CPA5: variants seen among roughly 807,000 people sequenced by gnomAD.
CPA5 encodes the protein carboxypeptidase A5.
Under a neutral mutation model 52.2 loss-of-function variants are expected in CPA5, and 38 were observed. The observed-to-expected ratio is 0.73, with a 90% confidence interval of 0.56 to 0.95. The LOEUF is 0.95. CPA5 is among the 40% of genes least tolerant of loss of function. The pLI, the probability that CPA5 is intolerant of heterozygous loss-of-function variation, is 0.00. For synonymous variants in CPA5, 198 were observed against 213.7 expected (o/e 0.93, Z 0.64); for missense variants, 519 against 566.7 (o/e 0.92, Z 0.86).
chr7:130,347,506 G>A (rs1290694331), intron 3 of CPA5, among the ~76,000 whole-genome samples: 1 of 152,098 alleles, frequency 6.6e-6, no homozygotes, highest in Admixed American at 6.5e-5. Context: ...AGCACTGACA[G>A]GCTTTATTTA....
downstream of CPA5, among the ~76,000 whole-genome samples, chr7:130,372,626 C>T (rs187548605): frequency 1.4e-4 from 21 of 152,284 alleles, no homozygotes; most frequent in Non-Finnish European, 2.1e-4. Flanking sequence ...GCTGAGGTGG[C>T]GGGTCCAGAG....
chr7:130,346,584 C>T lies in CPA5; in HGVS notation c.99C>T (p.Gly33=). The part of the protein sequence containing the change: ...VFSFILAAAL[G]QMNFTGDQVL... ...GCTTTATCCTGGCAGCAGCTTTGGG[C>T]CAAATGAATTTCACAGGGTGAGTGG... Residue 33 remains glycine, a synonymous_variant, in exon 3 of 13, where the codon GGC becomes GGT. Coordinates refer to ENST00000474905, the MANE Select transcript of CPA5 (RefSeq NM_080385.5). 6.2e-7 allele frequency: 1 copy of T among 1,613,832 alleles called. No individual in the cohort carries two copies. The highest frequency in any genetic ancestry group is 8.5e-7 in the Non-Finnish European group (1 of 1,179,810).
At chr7:130,359,458 T>G in intron 5 of CPA5, 131 bp from the exon 6 acceptor site, 1 of 641,368 alleles carries the variant, frequency 1.6e-6, no homozygotes, top group Non-Finnish European at 2.8e-6. Context: ...GTTGTGCAGT[T>G]CACACTCATG....
intron 8 of CPA5, 84 bp from the exon 9 acceptor site, chr7:130,362,800 G>T: frequency 1.2e-6 from 1 of 833,576 alleles, no homozygotes. Flanking sequence ...ATCCCTTCCT[G>T]CAGCCACTGG....
intron 4 of CPA5, among the ~76,000 whole-genome samples, chr7:130,349,047 G>T (rs1399625172): frequency 6.6e-6 from 1 of 152,130 alleles, no homozygotes; most frequent in Non-Finnish European, 1.5e-5. Context: ...CTTAATAATG[G>T]CCCCAAAGCG....
At chr7:130,371,008 T>A (rs910833583), downstream of CPA5, among the ~76,000 whole-genome samples, 1 of 152,172 alleles carries the variant, frequency 6.6e-6, no homozygotes, top group African/African-American at 2.4e-5. Context: ...TCTAGAGTAC[T>A]TCCTGGGGGC....
intron 4 of CPA5, 65 bp from the exon 5 acceptor site, chr7:130,349,910 C>G: frequency 6.5e-7 from 1 of 1,530,964 alleles, no homozygotes; most frequent in Non-Finnish European, 8.8e-7. Flanking sequence ...TCTCTGTGGT[C>G]ACCTACAGGA....
intron 5 of CPA5, among the ~76,000 whole-genome samples, chr7:130,351,019 A>C (rs1328505646): frequency 6.6e-6 from 1 of 152,190 alleles, no homozygotes; most frequent in East Asian, 1.9e-4. Flanking sequence ...CGACTGTGGG[A>C]ACACAGAGCC....
intron 7 of CPA5, 101 bp from the exon 8 acceptor site, chr7:130,362,337 C>A: frequency 1.3e-6 from 1 of 752,432 alleles, no homozygotes; most frequent in Non-Finnish European, 2.3e-6. Flanking sequence ...TTAAAGCTGC[C>A]CCAGGCACTG....
At chr7:130,358,402 G>A (rs1398627932) in intron 5 of CPA5, among the ~76,000 whole-genome samples, 1 of 152,142 alleles carries the variant, frequency 6.6e-6, no homozygotes, top group Non-Finnish European at 1.5e-5. Context: ...TCCACCACTT[G>A]TTAGCTTTGC....
chr7:130,363,000 G>A lies in CPA5; in HGVS notation c.747+6G>A, dbSNP rs184650382. ...TTGCTTTTACCCACAGCATGGTGAG[G>A]GAACCTGGGAAGGATGGAAGGAGGG... is the stretch of plus-strand genomic sequence containing the variant. On this transcript the variant is annotated splice_donor_region_variant and intron_variant, in intron 9 of 12. Transcript: ENST00000474905. 2 of 1,559,304 alleles carry A rather than the reference G, an allele frequency of 1.3e-6. No homozygotes were observed. The highest frequency in any genetic ancestry group is 2.2e-5 in the East Asian group (1 of 44,580).
chr7:130,346,661 C>T, intron 3 of CPA5, 60 bp downstream of exon 3: 1 of 1,429,448 alleles, frequency 7.0e-7, no homozygotes, highest in Non-Finnish European at 9.8e-7. Context: ...CTGGGTGTCC[C>T]AGCAGGAGGT....
At chr7:130,357,952 C>CTGTGTGTG (rs60840017) in intron 5 of CPA5, among the ~76,000 whole-genome samples, 19,899 of 139,674 alleles carry the variant, frequency 0.14, 1,604 homozygotes, top group Non-Finnish European at 0.18. Flanking sequence ...TTTTGTGCCT[C>CTGTGTGTG]TGTGTGTGTG....
At position 130,363,448 on chromosome 7, in the gene CPA5, C is replaced by A; in HGVS notation, c.777C>A (p.Ile259=). 1 of 1,580,088 alleles carries A rather than the reference C, an allele frequency of 6.3e-7. No individual in the cohort carries two copies. Among genetic ancestry groups the A allele is most frequent in the Non-Finnish European group, 8.6e-7 (1 of 1,162,422 alleles). Residue 259 remains isoleucine (I), a synonymous_variant, in exon 10 of 13, where the codon ATC becomes ATA. Coordinates refer to ENST00000474905, the MANE Select transcript of CPA5 (RefSeq NM_080385.5). ...MNRLWRKNKS[I]RPGIFCIGVD... ...GCTTATGGCGGAAGAACAAGTCCAT[C>A]AGACCTGGAATCTTCTGCATCGGCG...
Position 130,347,901 on chromosome 7 carries a change from C to T in CPA5, c.198+54C>T, listed in dbSNP as rs373621512. On this transcript the variant is annotated intron_variant, in intron 4 of 12. Coordinates refer to ENST00000474905, the MANE Select transcript of CPA5 (RefSeq NM_080385.5). ...CCCACCCCCTCCTCAGTGGCTCACA[C>T]ATTTAGCTCCTTGTCCTGCCCCCCT... is the stretch of plus-strand genomic sequence containing the variant. 4.6e-4 allele frequency: 638 copies of T among 1,401,040 alleles called. 4 individuals carry two copies. The East Asian group carries it at 0.012, about 27-fold the overall frequency. The allele number at this position is 1,401,040 out of a possible 1,614,324, so 86.8% of individuals were successfully genotyped here.
At chr7:130,346,201 C>G (rs1794725545) in intron 2 of CPA5, among the ~76,000 whole-genome samples, 192 bp from the exon 3 acceptor site, 1 of 152,168 alleles carries the variant, frequency 6.6e-6, no homozygotes, top group African/African-American at 2.4e-5. Context: ...CTTTGATGCT[C>G]ACAAGGGGCT....
At chr7:130,360,638 GA>G (rs1795743224) in intron 6 of CPA5, among the ~76,000 whole-genome samples, 1 of 152,168 alleles carries the variant, frequency 6.6e-6, no homozygotes, top group Non-Finnish European at 1.5e-5. Context: ...TACATGTATT[GA>G]AAGAACAAGA....
At chr7:130,367,278 T>C (rs1796141997) in intron 10 of CPA5, 94 bp from the exon 11 acceptor site, 1 of 1,103,492 alleles carries the variant, frequency 9.1e-7, no homozygotes, top group Middle Eastern at 2.8e-4. Flanking sequence ...CAAAGGAGGC[T>C]GGGAAATGTA....
intron 3 of CPA5, among the ~76,000 whole-genome samples, chr7:130,347,236 T>C (rs1482924633): frequency 2.0e-5 from 3 of 152,106 alleles, no homozygotes; most frequent in Non-Finnish European, 4.4e-5. Context: ...ATACGCAACC[T>C]CCACTCACCT....
Sources: gnomAD v4.1 joint callset for allele counts (sites outside exome capture counted in the v4.1 genomes callset) on GRCh38, gnomAD v4.1.1 for gene constraint, MANE v1.5 for transcripts, NCBI Gene and HGNC (gene_info 2026-07-23, HGNC 2026-07-21) for gene names.